UBAC2: variants seen among roughly 807,000 people sequenced by gnomAD.
The protein encoded by UBAC2 is UBA domain containing 2.
A neutral mutation model predicts 44.0 loss-of-function variants in UBAC2; 26 were observed. The observed-to-expected ratio is 0.59, with a 90% confidence interval of 0.43 to 0.82. UBAC2 has a LOEUF of 0.82. Among genes scored for constraint, UBAC2 ranks in the 40% least tolerant of loss-of-function variants. The pLI is 0.00. For synonymous variants in UBAC2, 155 were observed against 154.3 expected (o/e 1.00, Z -0.04); for missense variants, 329 against 419.4 (o/e 0.78, Z 1.88).
chr13:99,238,726 CAG>C (rs546935764), intron 2 of UBAC2, among the ~76,000 whole-genome samples, 172 bp downstream of exon 2: 55 of 152,044 alleles, frequency 3.6e-4, no homozygotes, highest in Non-Finnish European at 7.1e-4. Flanking sequence ...TTCAGCAAAA[CAG>C]ATAATAATGA....
At chr13:99,267,379 A>G (rs558382187) in intron 4 of UBAC2, among the ~76,000 whole-genome samples, 2 of 152,254 alleles carry the variant, frequency 1.3e-5, no homozygotes, top group African/African-American at 4.8e-5. Flanking sequence ...AGGCTTGCTC[A>G]TTTATCATAT....
chr13:99,338,508 A>G (rs2044835677), intron 6 of UBAC2, among the ~76,000 whole-genome samples: 1 of 152,150 alleles, frequency 6.6e-6, no homozygotes, highest in Non-Finnish European at 1.5e-5. Context: ...AGGCATTTGG[A>G]CTTATATGCT....
intron 4 of UBAC2, among the ~76,000 whole-genome samples, chr13:99,310,682 T>G (rs1440719930): frequency 6.6e-6 from 1 of 152,258 alleles, no homozygotes; most frequent in Non-Finnish European, 1.5e-5. Flanking sequence ...ATTAATATTT[T>G]TAAAGGAGTT....
chr13:99,288,241 T>C (rs1440280351), intron 4 of UBAC2, among the ~76,000 whole-genome samples: 1 of 152,040 alleles, frequency 6.6e-6, no homozygotes, highest in Non-Finnish European at 1.5e-5. Flanking sequence ...TCTGAGAAAA[T>C]GGATAAAAGC....
At position 99,200,898 on chromosome 13, in the gene UBAC2, C is replaced by T. The variant is rs779057665; in HGVS notation, c.-11C>T. 18 of 1,302,666 alleles carry T rather than the reference C, an allele frequency of 1.4e-5. No individual in the cohort carries two copies. The highest frequency in any genetic ancestry group is 5.9e-5 in the South Asian group (2 of 33,808). The allele number at this position is 1,302,666 out of a possible 1,614,324, so 80.7% of individuals were successfully genotyped here. Reference sequence around the variant, plus strand: ...CCCGGCGCCCTCTGGGGCTCCGAGCCCGGCGGGACCATGTTCACCAGCACC... The same window carrying T: ...CCCGGCGCCCTCTGGGGCTCCGAGCTCGGCGGGACCATGTTCACCAGCACC... On this transcript the variant is annotated 5_prime_UTR_variant, in exon 1 of 9. Coordinates refer to ENST00000403766, the MANE Select transcript of UBAC2 (RefSeq NM_001144072.2).
intron 4 of UBAC2, chr13:99,255,261 A>G: frequency 3.1e-6 from 5 of 1,614,148 alleles, no homozygotes; most frequent in Non-Finnish European, 4.2e-6. Context: ...AGTAGCACCC[A>G]ATCATGATGA....
intron 7 of UBAC2, among the ~76,000 whole-genome samples, chr13:99,343,375 T>TCCC (rs538925639): frequency 1.1e-5 from 1 of 92,608 alleles, no homozygotes; most frequent in African/African-American, 3.0e-5. Context: ...ACGGTGTCTT[T>TCCC]CCCCCCAGAT....
intron 1 of UBAC2, among the ~76,000 whole-genome samples, chr13:99,214,845 G>C (rs893406337): frequency 1.3e-5 from 2 of 151,988 alleles, no homozygotes; most frequent in Admixed American, 1.3e-4. Context: ...GGGTGGGGAA[G>C]GGTTTGAGGC....
rs869112086 is a variant in UBAC2 at position 99,338,047 on chromosome 13, C to CTTTTTTTTT, written c.562-2253_562-2245dup. On this transcript the variant is annotated intron_variant, in intron 6 of 8. Transcript: ENST00000403766. ...ATCTCCTAACTTTTTTTCTTTTTTT[C>CTTTTTTTTT]TTTTTTTTTTTTTTTTTTTTTTTTT... Among the ~76,000 whole-genome samples, 205 of 48,870 alleles carry CTTTTTTTTT rather than the reference C, an allele frequency of 4.2e-3. 17 individuals carry two copies. Among genetic ancestry groups the CTTTTTTTTT allele is most frequent in the Middle Eastern group, 0.019 (1 of 52 alleles). 32.1% of individuals were successfully genotyped at this position (48,870 alleles called of 152,430 possible).
chr13:99,296,832 G>GA (rs1361544067), intron 4 of UBAC2, among the ~76,000 whole-genome samples: 1 of 152,032 alleles, frequency 6.6e-6, no homozygotes, highest in Non-Finnish European at 1.5e-5. Context: ...AAATGAGAGA[G>GA]AAAAAGACTT....
intron 4 of UBAC2, among the ~76,000 whole-genome samples, chr13:99,262,908 G>T (rs1267648348): frequency 6.6e-6 from 1 of 152,004 alleles, no homozygotes; most frequent in Non-Finnish European, 1.5e-5. Context: ...AGTTACTTAG[G>T]ATTTTTTATT....
chr13:99,344,142 C>T (rs1416939927), intron 7 of UBAC2, among the ~76,000 whole-genome samples: 1 of 152,174 alleles, frequency 6.6e-6, no homozygotes, highest in Non-Finnish European at 1.5e-5. Flanking sequence ...CTCATTTATG[C>T]CCGGTGTACG....
chr13:99,380,149 C>G (rs1226565468), intron 8 of UBAC2, among the ~76,000 whole-genome samples: 1 of 152,152 alleles, frequency 6.6e-6, no homozygotes, highest in Non-Finnish European at 1.5e-5. Context: ...GTGGAACTTG[C>G]CATTTGTACT....
chr13:99,300,194 G>C (rs766797178), intron 4 of UBAC2, among the ~76,000 whole-genome samples: 89 of 152,228 alleles, frequency 5.8e-4, no homozygotes, highest in Non-Finnish European at 1.2e-3. Context: ...ACATCATTGA[G>C]CTCCAAGGGT....
At chr13:99,251,070 G>A (rs2043453025) in intron 4 of UBAC2, among the ~76,000 whole-genome samples, 1 of 151,984 alleles carries the variant, frequency 6.6e-6, no homozygotes, top group African/African-American at 2.4e-5. Flanking sequence ...ATTTTTTTCA[G>A]CAGTGTTTTG....
intron 1 of UBAC2, among the ~76,000 whole-genome samples, chr13:99,223,554 T>TTG (rs1285381175): frequency 4.0e-5 from 6 of 148,626 alleles, no homozygotes; most frequent in South Asian, 2.1e-4. Flanking sequence ...TTTTTTTTTT[T>TTG]TTTTTTTTTT....
chr13:99,269,373 A>G (rs905657124), intron 4 of UBAC2, among the ~76,000 whole-genome samples: 5 of 152,246 alleles, frequency 3.3e-5, no homozygotes, highest in Admixed American at 1.3e-4. Context: ...TGTGCAGCCT[A>G]GTACTGGTAC....
intron 4 of UBAC2, among the ~76,000 whole-genome samples, chr13:99,262,927 CATT>C (rs2043689160): frequency 6.6e-6 from 1 of 151,960 alleles, no homozygotes. Flanking sequence ...TTATATCTGC[CATT>C]ATTCTTAACT....
At chr13:99,378,451 C>G (rs1467924484) in intron 8 of UBAC2, among the ~76,000 whole-genome samples, 1 of 152,132 alleles carries the variant, frequency 6.6e-6, no homozygotes, top group Non-Finnish European at 1.5e-5. Context: ...GGCTTGAACC[C>G]AGGAGGTGGA....
Sources: gnomAD v4.1 joint callset for allele counts (sites outside exome capture counted in the v4.1 genomes callset) on GRCh38, gnomAD v4.1.1 for gene constraint, MANE v1.5 for transcripts, NCBI Gene and HGNC (gene_info 2026-07-23, HGNC 2026-07-21) for gene names.